Variants in BCL2L14 observed in about 807,000 individuals in gnomAD.
BCL2L14 encodes the protein BCL2 like 14.
BCL2L14 carries 27 observed loss-of-function variants against 35.3 expected under a neutral mutation model. The observed-to-expected ratio is 0.76, with a 90% confidence interval of 0.56 to 1.05. The LOEUF is 1.05. BCL2L14 is among the 50% of genes least tolerant of loss of function. The probability of loss-of-function intolerance (pLI) is 0.00; values close to 1 mark genes in which losing one functional copy is unlikely to be tolerated. For synonymous variants in BCL2L14, 139 were observed against 145.9 expected, an observed-to-expected ratio of 0.95 and a Z score of 0.34; for missense variants, 377 against 382.6, an observed-to-expected ratio of 0.99 and a Z score of 0.12.
chr12:12,052,281 A>G (rs946681712), intron 2 of BCL2L14, among the ~76,000 whole-genome samples: 1 of 152,348 alleles, frequency 6.6e-6, no homozygotes. Context: ...GAAATATACA[A>G]TGCATTATTA....
intron 2 of BCL2L14, among the ~76,000 whole-genome samples, chr12:12,059,788 C>T (rs547796428): frequency 9.7e-4 from 147 of 152,228 alleles, no homozygotes; most frequent in African/African-American, 3.0e-3. Flanking sequence ...TCTGCAATGC[C>T]GCTTGACCCC....
At chr12:12,092,981 C>A (rs986944884) in intron 4 of BCL2L14, among the ~76,000 whole-genome samples, 5 of 152,162 alleles carry the variant, frequency 3.3e-5, no homozygotes, top group East Asian at 1.9e-4. Flanking sequence ...TTTCCGTTTT[C>A]ACATGACAAC....
chr12:12,068,735 G>C (rs1948623161), upstream of BCL2L14, among the ~76,000 whole-genome samples: 1 of 152,068 alleles, frequency 6.6e-6, no homozygotes, highest in African/African-American at 2.4e-5. Context: ...CAGTCTGGGA[G>C]GCCACATGGG....
At position 12,052,824 on chromosome 12, in the gene BCL2L14, A is replaced by T. The variant is rs141156118; in HGVS notation, c.-272+977A>T. Among the ~76,000 whole-genome samples the T allele has an allele frequency of 3.7e-4, 57 of 152,284 alleles. 2 individuals are homozygous for T. The East Asian group carries it at 0.011, about 29-fold the overall frequency. ...CTAAAATAAGAGCCCTGAACGAGAT[A>T]ATTTCTAAAGTTTAGTGATAGAGAC... On this transcript the variant is annotated intron_variant, in intron 2 of 3. Coordinates refer to the BCL2L14 transcript ENST00000461264.
chr12:12,064,902 CTT>C (rs1361739940), intron 2 of BCL2L14, among the ~76,000 whole-genome samples: 1 of 152,250 alleles, frequency 6.6e-6, no homozygotes. Flanking sequence ...CTAAGAACGT[CTT>C]TCTCCATCTC....
intron 3 of BCL2L14, among the ~76,000 whole-genome samples, chr12:12,089,006 C>A (rs1243485010): frequency 6.6e-6 from 1 of 152,248 alleles, no homozygotes; most frequent in East Asian, 1.9e-4. Context: ...ATACAGGCAG[C>A]TGTGCCAGCA....
chr12:12,079,115 G>A (rs1948849823), intron 1 of BCL2L14, 184 bp from the exon 2 acceptor site: 5 of 601,032 alleles, frequency 8.3e-6, no homozygotes, highest in African/African-American at 1.9e-5. Flanking sequence ...TTTATGTGGA[G>A]TTATCTATGG....
chr12:12,076,622 A>G (rs1256342339), intron 1 of BCL2L14, among the ~76,000 whole-genome samples: 1 of 152,134 alleles, frequency 6.6e-6, no homozygotes, highest in Non-Finnish European at 1.5e-5. Flanking sequence ...TGTCCCCTCC[A>G]GCATCACCTG....
chr12:12,076,779 A>T (rs1370348158), intron 1 of BCL2L14, among the ~76,000 whole-genome samples: 1 of 152,174 alleles, frequency 6.6e-6, no homozygotes, highest in African/African-American at 2.4e-5. Context: ...GCCTCTTCTA[A>T]GTAAAGGAGA....
intron 2 of BCL2L14, 48 bp downstream of exon 2, chr12:12,079,786 C>A: frequency 6.4e-7 from 1 of 1,570,144 alleles, no homozygotes; most frequent in Non-Finnish European, 8.7e-7. Context: ...TTTTTCCCTT[C>A]TTTGTGTCCA....
In BCL2L14 at chr12:12,078,368, G is replaced by C. The variant is rs569615626; in HGVS notation, c.-7-931G>C. Among the ~76,000 whole-genome samples the C allele has an allele frequency of 3.3e-5, 5 of 151,770 alleles. No individual in the cohort carries two copies. The East Asian group carries it at 5.8e-4, about 18-fold the overall frequency. On this transcript the variant is annotated intron_variant, in intron 1 of 5. Coordinates refer to ENST00000308721, the MANE Select transcript of BCL2L14 (RefSeq NM_138723.2). Reference sequence around the variant, plus strand: ...CCAGGCATTTCTCTTCCCTGAATTGGCCTCCCTCTTTTGCCACCTCCCCAG... The same window carrying C: ...CCAGGCATTTCTCTTCCCTGAATTGCCCTCCCTCTTTTGCCACCTCCCCAG...
chr12:12,073,706 C>T (rs577380804), intron 1 of BCL2L14, among the ~76,000 whole-genome samples: 12 of 152,260 alleles, frequency 7.9e-5, no homozygotes, highest in South Asian at 4.1e-4. Context: ...ACTGGTCTGA[C>T]GAGGGCGCAC....
chr12:12,053,041 G>A (rs911458932), intron 2 of BCL2L14, among the ~76,000 whole-genome samples: 2 of 152,154 alleles, frequency 1.3e-5, no homozygotes, highest in Non-Finnish European at 2.9e-5. Context: ...TGGGGACATG[G>A]ACAGTGTCCT....
At chr12:12,067,495 G>A (rs1226105086), upstream of BCL2L14, among the ~76,000 whole-genome samples, 2 of 152,044 alleles carry the variant, frequency 1.3e-5, no homozygotes, top group African/African-American at 4.8e-5. Flanking sequence ...AGGTTGCAGT[G>A]AGCCGAGATC....
chr12:12,068,947 G>C (rs1157697590), upstream of BCL2L14, among the ~76,000 whole-genome samples: 1 of 152,164 alleles, frequency 6.6e-6, no homozygotes, highest in Non-Finnish European at 1.5e-5. Flanking sequence ...TGGGAAAAAG[G>C]TGGGGAGTTC....
At chr12:12,073,072 G>C (rs1948701944) in intron 1 of BCL2L14, among the ~76,000 whole-genome samples, 2 of 152,060 alleles carry the variant, frequency 1.3e-5, no homozygotes, top group African/African-American at 4.8e-5. Context: ...ATTTTTTGTA[G>C]AGACGGAGCC....
intron 2 of BCL2L14, among the ~76,000 whole-genome samples, chr12:12,052,528 C>T (rs1157640724): frequency 6.6e-6 from 1 of 152,226 alleles, no homozygotes; most frequent in East Asian, 1.9e-4. Context: ...CAGATTCATC[C>T]ATGTTGTCCC....
intron 2 of BCL2L14, among the ~76,000 whole-genome samples, chr12:12,059,687 A>C (rs1448444150): frequency 1.3e-5 from 2 of 150,480 alleles, no homozygotes; most frequent in African/African-American, 4.9e-5. Flanking sequence ...TCCACCTTCC[A>C]TTCCTCCTTC....
At chr12:12,050,003 A>C (rs1471697638) in intron 1 of BCL2L14, 2 of 152,138 alleles carry the variant, frequency 1.3e-5, no homozygotes, top group African/African-American at 4.8e-5. Flanking sequence ...AATAGAGTCC[A>C]CTCTTAAGTT....
Sources: gnomAD v4.1 joint callset for allele counts (sites outside exome capture counted in the v4.1 genomes callset) on GRCh38, gnomAD v4.1.1 for gene constraint, MANE v1.5 for transcripts, NCBI Gene and HGNC (gene_info 2026-07-23, HGNC 2026-07-21) for gene names.